SEC14L2: variants seen among roughly 807,000 people sequenced by gnomAD.
The protein encoded by SEC14L2 is SEC14-like protein 2.
In SEC14L2, 50 loss-of-function variants were observed where a neutral mutation model predicts 56.9. The observed-to-expected ratio is 0.88, with a 90% confidence interval of 0.70 to 1.11. The LOEUF (loss-of-function observed/expected upper bound fraction) is 1.11. SEC14L2 is among the 50% of genes most tolerant of loss of function. The pLI, the probability that SEC14L2 is intolerant of heterozygous loss-of-function variation, is 0.00. For synonymous variants in SEC14L2, 179 were observed against 188.5 expected (o/e 0.95, Z 0.41); for missense variants, 414 against 500.7 (o/e 0.83, Z 1.65).
At chr22:30,413,122 G>A (rs996039365) in intron 8 of SEC14L2, among the ~76,000 whole-genome samples, 1 of 152,222 alleles carries the variant, frequency 6.6e-6, no homozygotes, top group African/African-American at 2.4e-5. Flanking sequence ...AACAGCAGCA[G>A]CTAAAACCTT....
chr22:30,399,377 T>C (rs1315940659), intron 1 of SEC14L2, among the ~76,000 whole-genome samples: 8 of 151,138 alleles, frequency 5.3e-5, no homozygotes, highest in African/African-American at 1.2e-4. Flanking sequence ...TAGCCAGGCG[T>C]GTTGGCAGGC....
At position 30,416,285 on chromosome 22, in the gene SEC14L2, G is replaced by T; in HGVS notation, c.963G>T (p.Lys321Asn). 1 of 1,614,256 alleles carries T rather than the reference G, an allele frequency of 6.2e-7. No individual in the cohort carries two copies. The highest frequency in any genetic ancestry group is 8.5e-7 in the Non-Finnish European group (1 of 1,180,036). Residue 321 changes from lysine to asparagine, a missense_variant, in exon 11 of 12, where the codon AAG becomes AAT. Physicochemically the swap from Lys to Asn is moderately conservative, Grantham distance 94. Transcript: ENST00000615189. Reference protein sequence around the residue: ...GADVGFGIFLKTKMGERQRAG... With the variant: ...GADVGFGIFLNTKMGERQRAG... ...ATGTTGGTTTTGGGATTTTCCTGAA[G>T]ACCAAGATGGGAGAGAGGCAGCGGG...
At chr22:30,401,855 T>C (rs1488208235) in intron 2 of SEC14L2, among the ~76,000 whole-genome samples, 1 of 151,988 alleles carries the variant, frequency 6.6e-6, no homozygotes, top group Non-Finnish European at 1.5e-5. Flanking sequence ...GCCTCCCGAG[T>C]AGCTTGGCCT....
chr22:30,425,240 G>C lies in SEC14L2; in HGVS notation c.*2833G>C, dbSNP rs1234012641. 5.3e-6 allele frequency: 1 copy of C among 190,356 alleles called. No homozygotes were observed. Among genetic ancestry groups the C allele is most frequent in the Non-Finnish European group, 1.1e-5 (1 of 89,438 alleles). 11.8% of individuals were successfully genotyped at this position (190,356 alleles called of 1,614,324 possible). On this transcript the variant is annotated 3_prime_UTR_variant, in exon 12 of 12. Coordinates refer to ENST00000615189, the MANE Select transcript of SEC14L2 (RefSeq NM_012429.5). ...GGGAGGGTTTCAGGTGTAAGACATGGAGAGTCCTTTAGCGAACATGTAGAC... is the reference window on the plus strand; with the variant it reads ...GGGAGGGTTTCAGGTGTAAGACATGCAGAGTCCTTTAGCGAACATGTAGAC...
chr22:30,397,790 A>C (rs1933799375), intron 1 of SEC14L2: 1 of 467,596 alleles, frequency 2.1e-6, no homozygotes, highest in Admixed American at 2.4e-5. Context: ...GTTTGAGCTG[A>C]GACCAGCCGT....
At chr22:30,412,317 A>C (rs1934271370) in intron 8 of SEC14L2, among the ~76,000 whole-genome samples, 1 of 152,136 alleles carries the variant, frequency 6.6e-6, no homozygotes, top group African/African-American at 2.4e-5. Context: ...GGGAAGCTAT[A>C]GATTTGTTTG....
chr22:30,402,712 G>T (rs778043279), intron 2 of SEC14L2, among the ~76,000 whole-genome samples: 3 of 150,834 alleles, frequency 2.0e-5, no homozygotes, highest in Non-Finnish European at 4.4e-5. Flanking sequence ...CTCAGGCCTG[G>T]TCAGAACCTA....
At position 30,416,100 on chromosome 22, in the gene SEC14L2, G is replaced by A. The variant is rs372072899; in HGVS notation, c.911+13G>A. The A allele has an allele frequency of 1.2e-6, 2 of 1,614,036 alleles. No homozygotes were observed. The highest frequency in any genetic ancestry group is 1.7e-6 in the Non-Finnish European group (2 of 1,179,864). Reference sequence around the variant, plus strand: ...GCTGTGTCCTCAGGTAGGGGCCTGGGCCCTTCCAGGAGACCCGAGCTTTCA... The same window carrying A: ...GCTGTGTCCTCAGGTAGGGGCCTGGACCCTTCCAGGAGACCCGAGCTTTCA... On this transcript the variant is annotated intron_variant, in intron 10 of 11. Transcript: ENST00000615189.
chr22:30,414,328 T>C (rs1934330499), intron 8 of SEC14L2, among the ~76,000 whole-genome samples: 1 of 152,142 alleles, frequency 6.6e-6, no homozygotes. Context: ...CAGAGCTGTG[T>C]AGGAGGTTCA....
In SEC14L2 at chr22:30,409,032, C is replaced by A. The variant is rs1450261678; in HGVS notation, c.424-155C>A. On this transcript the variant is annotated intron_variant, in intron 5 of 11. Coordinates refer to ENST00000615189, the MANE Select transcript of SEC14L2 (RefSeq NM_012429.5). ...TGACTCGCCTAGACCACAATTCTGG[C>A]CTGGGGTGATTATCTCAGTTTGGAA... 4 of 741,684 alleles carry A rather than the reference C, an allele frequency of 5.4e-6. No individual in the cohort carries two copies. In the African/African-American group the frequency reaches 6.8e-5, roughly 13 times the overall value. The allele number at this position is 741,684 out of a possible 1,614,324, so 45.9% of individuals were successfully genotyped here.
In SEC14L2 at chr22:30,409,480, G is replaced by A. The variant is rs757787058; in HGVS notation, c.574G>A (p.Val192Ile). Reference sequence around the variant, plus strand: ...CGAAACACTGAAGCGTCTTTTTGTTGTTAAAGGTAAGTTGGGAATTTCTTG... The same window carrying A: ...CGAAACACTGAAGCGTCTTTTTGTTATTAAAGGTAAGTTGGGAATTTCTTG... ...YPETLKRLFVVKAPKLFPVAY... is the reference protein window; with the variant it reads ...YPETLKRLFVIKAPKLFPVAY... Residue 192 changes from valine (V) to isoleucine (I), a missense_variant, in exon 7 of 12, where the codon GTT becomes ATT. Physicochemically the swap from Val to Ile is conservative, Grantham distance 29. Coordinates refer to ENST00000615189, the MANE Select transcript of SEC14L2 (RefSeq NM_012429.5). 6.2e-7 allele frequency: 1 copy of A among 1,614,152 alleles called. No homozygotes were observed. Among genetic ancestry groups the A allele is most frequent in the Non-Finnish European group, 8.5e-7 (1 of 1,179,990 alleles).
chr22:30,411,604 G>A (rs1432531144), intron 8 of SEC14L2, among the ~76,000 whole-genome samples: 5 of 151,934 alleles, frequency 3.3e-5, no homozygotes, highest in Admixed American at 3.3e-4. Context: ...AAATTAGCCA[G>A]GCGTCGTGGT....
At position 30,423,744 on chromosome 22, in the gene SEC14L2, T is replaced by A. The variant is rs909187354; in HGVS notation, c.*1337T>A. 6.6e-6 allele frequency: 1 copy of A among 152,316 alleles called. No individual in the cohort carries two copies. The highest frequency in any genetic ancestry group is 6.5e-5 in the Admixed American group (1 of 15,290). 9.4% of individuals were successfully genotyped at this position (152,316 alleles called of 1,614,324 possible). A position where few individuals can be genotyped will look rare whatever the true frequency, so the allele number is the denominator to read the frequency against. ...AGCGCGGACCGGAAGGGGCCGAGGC[T>A]GCACGGGCCTCTGCCAGAACGCTCA... On this transcript the variant is annotated 3_prime_UTR_variant, in exon 12 of 12. Transcript: ENST00000615189.
At chr22:30,407,963 A>G (rs1421561074) in intron 5 of SEC14L2, among the ~76,000 whole-genome samples, 1 of 152,194 alleles carries the variant, frequency 6.6e-6, no homozygotes, top group Admixed American at 6.5e-5. Context: ...CTTTAAAACA[A>G]TGACCATCTA....
At chr22:30,405,116 T>G (rs1443151774) in intron 2 of SEC14L2, among the ~76,000 whole-genome samples, 2 of 151,472 alleles carry the variant, frequency 1.3e-5, no homozygotes, top group Non-Finnish European at 2.9e-5. Flanking sequence ...AGACAACACT[T>G]GGGGCTCTGC....
intron 1 of SEC14L2, chr22:30,397,745 C>T: frequency 2.4e-6 from 1 of 412,750 alleles, no homozygotes; most frequent in South Asian, 1.8e-5. Flanking sequence ...TGTGTGAATT[C>T]CAGGCTCCCC....
At chr22:30,417,251 T>C (rs558671791) in intron 11 of SEC14L2, among the ~76,000 whole-genome samples, 3 of 152,358 alleles carry the variant, frequency 2.0e-5, no homozygotes, top group South Asian at 2.1e-4. Context: ...TCTGGGGAAA[T>C]TTATGCTAAC....
At chr22:30,417,601 T>C (rs1934420705) in intron 11 of SEC14L2, among the ~76,000 whole-genome samples, 2 of 152,158 alleles carry the variant, frequency 1.3e-5, no homozygotes, top group African/African-American at 4.8e-5. Context: ...TTTGATGTGA[T>C]AGGTTCTGTG....
At chr22:30,404,604 T>C (rs1484640825) in intron 2 of SEC14L2, among the ~76,000 whole-genome samples, 2 of 152,032 alleles carry the variant, frequency 1.3e-5, no homozygotes, top group Non-Finnish European at 2.9e-5. Context: ...TCAAAACTCT[T>C]TGAAGGATGG....
Sources: gnomAD v4.1 joint callset for allele counts (sites outside exome capture counted in the v4.1 genomes callset) on GRCh38, gnomAD v4.1.1 for gene constraint, MANE v1.5 for transcripts, NCBI Gene and HGNC (gene_info 2026-07-23, HGNC 2026-07-21) for gene names.